Variants in MGAT4C observed in about 807,000 individuals in gnomAD.
MGAT4C encodes alpha-1,3-mannosyl-glycoprotein 4-beta-N-acetylglucosaminyltransferase C.
MGAT4C carries 19 observed loss-of-function variants against 40.1 expected under a neutral mutation model. The observed-to-expected ratio is 0.47, with a 90% confidence interval of 0.33 to 0.70. MGAT4C has a LOEUF of 0.70. Ranked by LOEUF, MGAT4C falls within the 30% of genes least tolerant of loss-of-function variation. The pLI, the probability that MGAT4C is intolerant of heterozygous loss-of-function variation, is 0.02. For missense variants in MGAT4C, 491 were observed against 563.2 expected (o/e 0.87, Z 1.30); for synonymous variants, 181 against 187.1 (o/e 0.97, Z 0.27).
intron 2 of MGAT4C, among the ~76,000 whole-genome samples, chr12:86,499,541 T>TC (rs778905045): frequency 7.9e-5 from 12 of 151,822 alleles, no homozygotes; most frequent in East Asian, 1.9e-4. Context: ...CTCAATCGTC[T>TC]CTTTTTTTTT....
intron 2 of MGAT4C, among the ~76,000 whole-genome samples, chr12:86,503,862 C>T (rs1267422113): frequency 8.0e-6 from 1 of 124,828 alleles, no homozygotes; most frequent in African/African-American, 2.9e-5. Context: ...TTAAAGCTTC[C>T]CTAAAAAAAT....
chr12:86,393,503 T>G (rs1036494392), intron 3 of MGAT4C, among the ~76,000 whole-genome samples: 2 of 152,166 alleles, frequency 1.3e-5, no homozygotes, highest in African/African-American at 4.8e-5. Context: ...GAAAACTGAT[T>G]GAGATTAAAG....
chr12:86,546,484 T>C (rs1248471305), intron 2 of MGAT4C, among the ~76,000 whole-genome samples: 2 of 151,982 alleles, frequency 1.3e-5, no homozygotes, highest in African/African-American at 4.8e-5. Flanking sequence ...TACTGATTAC[T>C]GAGGATAAAA....
chr12:86,740,354 A>G (rs1951049408), intron 1 of MGAT4C, among the ~76,000 whole-genome samples: 1 of 151,114 alleles, frequency 6.6e-6, no homozygotes, highest in South Asian at 2.1e-4. Context: ...TTTCTTTTGT[A>G]GATTTTGTTC....
At chr12:86,298,446 A>G (rs547319518) in intron 4 of MGAT4C, among the ~76,000 whole-genome samples, 2 of 152,266 alleles carry the variant, frequency 1.3e-5, no homozygotes, top group South Asian at 2.1e-4. Context: ...GTTATACATC[A>G]GCAACTTTTA....
intron 2 of MGAT4C, chr12:86,013,845 C>G (rs1271541047): frequency 2.6e-6 from 2 of 767,938 alleles, no homozygotes; most frequent in African/African-American, 3.8e-5. Context: ...TCATTCTATT[C>G]AAGCTTTTCT....
At chr12:86,579,377 A>G (rs1345313006) in intron 2 of MGAT4C, among the ~76,000 whole-genome samples, 1 of 151,538 alleles carries the variant, frequency 6.6e-6, no homozygotes, top group Admixed American at 6.6e-5. Flanking sequence ...TATAAGCCAT[A>G]ATTTTAACCT....
intron 1 of MGAT4C, among the ~76,000 whole-genome samples, chr12:86,765,661 G>A (rs189779472): frequency 0.026 from 3,917 of 152,276 alleles, 78 homozygotes; most frequent in Non-Finnish European, 0.037. Context: ...GACTAACAGC[G>A]GATCTCTCGG....
intron 2 of MGAT4C, among the ~76,000 whole-genome samples, chr12:86,634,710 G>A (rs572118282): frequency 6.6e-6 from 1 of 152,090 alleles, no homozygotes; most frequent in Non-Finnish European, 1.5e-5. Context: ...GCCATCTCAC[G>A]GGTCTTCTAT....
intron 1 of MGAT4C, among the ~76,000 whole-genome samples, chr12:86,782,095 C>G (rs1199045195): frequency 6.6e-6 from 1 of 151,278 alleles, no homozygotes. Context: ...CGGGTTCACA[C>G]CATTCTCCTG....
At chr12:86,346,575 CT>C (rs1303497356) in intron 3 of MGAT4C, among the ~76,000 whole-genome samples, 1 of 152,166 alleles carries the variant, frequency 6.6e-6, no homozygotes, top group African/African-American at 2.4e-5. Flanking sequence ...AACTATTCAC[CT>C]GTTGAAATAC....
chr12:86,786,760 C>T (rs899658575), intron 1 of MGAT4C, among the ~76,000 whole-genome samples: 10 of 152,074 alleles, frequency 6.6e-5, no homozygotes, highest in African/African-American at 2.2e-4. Flanking sequence ...GTATTACTTA[C>T]GTCAATCCTG....
chr12:86,251,770 C>A (rs1369309643), intron 1 of MGAT4C, among the ~76,000 whole-genome samples: 1 of 151,930 alleles, frequency 6.6e-6, no homozygotes, highest in Non-Finnish European at 1.5e-5. Flanking sequence ...TATGGTGTGC[C>A]ATGGCACACA....
intron 2 of MGAT4C, among the ~76,000 whole-genome samples, chr12:86,493,028 CA>C (rs959651990): frequency 1.3e-5 from 2 of 150,712 alleles, no homozygotes; most frequent in South Asian, 2.1e-4. Flanking sequence ...TTTATGCAGC[CA>C]AAAAACACAT....
chr12:86,549,771 A>G (rs962115543), intron 2 of MGAT4C, among the ~76,000 whole-genome samples: 5 of 152,170 alleles, frequency 3.3e-5, no homozygotes, highest in Admixed American at 6.5e-5. Context: ...GCTGAAAACA[A>G]TGGGAAAGTG....
At chr12:86,480,580 ATATG>A (rs1432716521) in intron 2 of MGAT4C, among the ~76,000 whole-genome samples, 8 of 149,848 alleles carry the variant, frequency 5.3e-5, no homozygotes, top group African/African-American at 1.8e-4. Context: ...ACACATATAC[ATATG>A]TATGTATACA....
chr12:86,408,195 T>G (rs1256175671), intron 3 of MGAT4C, among the ~76,000 whole-genome samples: 1 of 151,960 alleles, frequency 6.6e-6, no homozygotes, highest in African/African-American at 2.4e-5. Flanking sequence ...ATGGGTGACA[T>G]CGAAATAAAA....
intron 1 of MGAT4C, among the ~76,000 whole-genome samples, chr12:86,120,878 A>T (rs772639897): frequency 6.6e-6 from 1 of 152,242 alleles, no homozygotes; most frequent in African/African-American, 2.4e-5. Context: ...AATGGAACAA[A>T]GCTGGACAGA....
At chr12:86,822,757 T>C (rs1286700475) in intron 1 of MGAT4C, among the ~76,000 whole-genome samples, 1 of 150,922 alleles carries the variant, frequency 6.6e-6, no homozygotes, top group Non-Finnish European at 1.5e-5. Context: ...CAGGAATGGG[T>C]AGTAACCACA....
Sources: allele counts gnomAD v4.1 joint callset (sites outside exome capture counted in the v4.1 genomes callset), GRCh38; gene constraint gnomAD v4.1.1; transcripts MANE v1.5; gene names NCBI Gene and HGNC (gene_info 2026-07-23, HGNC 2026-07-21).